CALCOCO1: variants seen among roughly 807,000 people sequenced by gnomAD.
The protein encoded by CALCOCO1 is calcium-binding and coiled-coil domain-containing protein 1.
CALCOCO1 carries 44 observed loss-of-function variants against 86.3 expected under a neutral mutation model. That is an observed-to-expected ratio of 0.51 (90% CI 0.40 to 0.66). The LOEUF (loss-of-function observed/expected upper bound fraction) is 0.66. Ranked by LOEUF, CALCOCO1 falls within the 30% of genes least tolerant of loss-of-function variation. The probability of loss-of-function intolerance (pLI) is 0.00; values close to 1 mark genes in which losing one functional copy is unlikely to be tolerated. For missense variants in CALCOCO1, 708 were observed against 851.1 expected (o/e 0.83, Z 2.09); for synonymous variants, 297 against 327.6 (o/e 0.91, Z 1.01).
intron 14 of CALCOCO1, chr12:53,712,354 C>T (rs1945586104): frequency 6.4e-6 from 3 of 469,412 alleles, no homozygotes; most frequent in Non-Finnish European, 1.1e-5. Context: ...GTGCAGAGCC[C>T]ATCCCCCAGC....
In CALCOCO1 at chr12:53,724,510, A is replaced by G. The variant is rs745370782; in HGVS notation, c.259+135T>C. 27 of 701,044 alleles carry G rather than the reference A, an allele frequency of 3.9e-5. No homozygotes were observed. The African/African-American group carries it at 4.2e-4, about 11-fold the overall frequency. The allele number at this position is 701,044 out of a possible 1,614,324, so 43.4% of individuals were successfully genotyped here. On this transcript the variant is annotated intron_variant, in intron 3 of 14. Coordinates refer to ENST00000550804, the MANE Select transcript of CALCOCO1 (RefSeq NM_020898.3). The stretch of plus-strand genomic sequence containing the variant: ...CTATCCGCTGAGCGCTGTTGGATAT[A>G]TTCTCATTATATTTATTTTCGTTTA...
intron 5 of CALCOCO1, 136 bp downstream of exon 5, chr12:53,721,889 C>A: frequency 1.0e-6 from 1 of 1,003,458 alleles, no homozygotes; most frequent in Non-Finnish European, 1.5e-6. Flanking sequence ...AGCCACTACC[C>A]CTTAAACCTA....
In CALCOCO1 at chr12:53,723,891, G is replaced by A. The variant is rs575253767; in HGVS notation, c.260-108C>T. The A allele has an allele frequency of 1.4e-4, 129 of 900,074 alleles. 1 individual carries two copies. The South Asian group carries it at 2.2e-3, about 16-fold the overall frequency. The allele number at this position is 900,074 out of a possible 1,614,324, so 55.8% of individuals were successfully genotyped here. The stretch of plus-strand genomic sequence containing the variant: ...TTCTTCTCTTCTCCACCTCCCACAG[G>A]CCATACTCTTCTCCCTCCTTTCTGC... On this transcript the variant is annotated intron_variant, in intron 3 of 14. Transcript: ENST00000550804.
chr12:53,723,741 C>G lies in CALCOCO1; in HGVS notation c.302G>C (p.Arg101Pro). ...PKPGAQLYQF[R>P]YVNRQGQVCG... The stretch of plus-strand genomic sequence containing the variant: ...CACCTGGCCCTGGCGGTTCACATAT[C>G]GGAACTGGTAGAGCTGAGCTCCTGG... The change falls in exon 4 of 15, where the codon CGA becomes CCA. Residue 101 changes from arginine (R) to proline (P), a missense_variant. Arg to Pro is a moderately radical substitution (Grantham distance 103). Coordinates refer to ENST00000550804, the MANE Select transcript of CALCOCO1 (RefSeq NM_020898.3). The G allele has an allele frequency of 6.2e-7, 1 of 1,614,148 alleles. No individual in the cohort carries two copies. The highest frequency in any genetic ancestry group is 2.2e-5 in the East Asian group (1 of 44,886).
chr12:53,715,903 G>A lies in CALCOCO1; in HGVS notation c.1150C>T (p.Arg384Cys), dbSNP rs752477440. Residue 384 changes from arginine to cysteine, a missense_variant, in exon 9 of 15, where the codon CGC becomes TGC. Transcript: ENST00000550804. ...CCGTTAACTTCAGCCACTTCCAGGC[G>A]GCTGCGGTGTAGTTCGGCTATGGTG... Reference protein sequence around the residue: ...DRTIAELHRSRLEVAEVNGRL... With the variant: ...DRTIAELHRSCLEVAEVNGRL... 1.2e-5 allele frequency: 20 copies of A among 1,614,094 alleles called. No homozygotes were observed. The highest frequency in any genetic ancestry group is 1.7e-5 in the Non-Finnish European group (20 of 1,180,048).
In CALCOCO1 at chr12:53,711,405, A is replaced by G. The variant is rs1172380513; in HGVS notation, c.*539T>C. 6 of 380,940 alleles carry G rather than the reference A, an allele frequency of 1.6e-5. No individual in the cohort carries two copies. Among genetic ancestry groups the G allele is most frequent in the Non-Finnish European group, 2.8e-5 (6 of 215,640 alleles). 23.6% of individuals were successfully genotyped at this position (380,940 alleles called of 1,614,324 possible). On this transcript the variant is annotated 3_prime_UTR_variant, in exon 15 of 15. Coordinates refer to ENST00000550804, the MANE Select transcript of CALCOCO1 (RefSeq NM_020898.3). ...AGGCTAGGGTGGGGCACAGAAGTCA[A>G]TGGGGGAACAGAAAGAGGAACCAAT... is the stretch of plus-strand genomic sequence containing the variant.
rs781550124 is a variant in CALCOCO1, at chr12:53,723,702, G to A, written c.341C>T (p.Pro114Leu). ...NRQGQVCGQSPPFQFREPRPM... is the reference protein window; with the variant it reads ...NRQGQVCGQSLPFQFREPRPM... ...CCTTGGCTCTCGGAACTGGAAAGGG[G>A]GGCTCTGCCCACACACCTGGCCCTG... is the stretch of plus-strand genomic sequence containing the variant. The change falls in exon 4 of 15, where the codon CCC becomes CTC. Residue 114 changes from proline (P) to leucine (L), a missense_variant. Coordinates refer to ENST00000550804, the MANE Select transcript of CALCOCO1 (RefSeq NM_020898.3). The A allele has an allele frequency of 6.2e-7, 1 of 1,614,210 alleles. No individual in the cohort carries two copies. The highest frequency in any genetic ancestry group is 8.5e-7 in the Non-Finnish European group (1 of 1,180,032).
At chr12:53,722,957 A>AAAAAAG (rs1565649449) in intron 4 of CALCOCO1, 6 of 389,692 alleles carry the variant, frequency 1.5e-5, no homozygotes, top group Admixed American at 7.2e-5. Flanking sequence ...AAAAAAAAAA[A>AAAAAAG]AAAAGAAAAG....
At chr12:53,724,783 T>C in intron 2 of CALCOCO1, 36 bp from the exon 3 acceptor site, 1 of 1,524,072 alleles carries the variant, frequency 6.6e-7, no homozygotes, top group South Asian at 1.2e-5. Flanking sequence ...GGTATGGTCA[T>C]GGAACTACCT....
intron 9 of CALCOCO1, 178 bp downstream of exon 9, chr12:53,715,615 T>G: frequency 2.4e-6 from 2 of 841,346 alleles, no homozygotes; most frequent in Non-Finnish European, 3.6e-6. Flanking sequence ...ATACCCCGGT[T>G]AGGGATGGGT....
chr12:53,712,821 C>T, intron 14 of CALCOCO1: 1 of 1,416,768 alleles, frequency 7.1e-7, no homozygotes, highest in Non-Finnish European at 9.4e-7. Flanking sequence ...GGAAGCAGGG[C>T]AATTTGGGCT....
In CALCOCO1 at chr12:53,714,604, C is replaced by T; in HGVS notation, c.1476G>A (p.Glu492=). The change falls in exon 11 of 15, where the codon GAG becomes GAA. Residue 492 remains glutamate (E), a synonymous_variant. Coordinates refer to ENST00000550804, the MANE Select transcript of CALCOCO1 (RefSeq NM_020898.3). The part of the protein sequence containing the change: ...LQKEKEQLQE[E]KQELLEYMRK... ...CTGGGTTATGGGTGCTCACCTGTTTCTCCTCCTGTAACTGCTCCTTTTCCT... is the reference window on the plus strand; with the variant it reads ...CTGGGTTATGGGTGCTCACCTGTTTTTCCTCCTGTAACTGCTCCTTTTCCT... The T allele has an allele frequency of 6.2e-7, 1 of 1,613,780 alleles. No individual in the cohort carries two copies. The highest frequency in any genetic ancestry group is 1.3e-5 in the African/African-American group (1 of 75,038).
At chr12:53,715,137 G>C (rs974992848) in intron 10 of CALCOCO1, 63 bp downstream of exon 10, 1 of 1,575,500 alleles carries the variant, frequency 6.3e-7, no homozygotes, top group Non-Finnish European at 8.6e-7. Flanking sequence ...CCAAGACAGA[G>C]AGAAGGGGTA....
Position 53,721,613 on chromosome 12 carries a change from C to T in CALCOCO1, c.612G>A (p.Gly204=), listed in dbSNP as rs763323271. The T allele has an allele frequency of 6.2e-7, 1 of 1,613,848 alleles. No individual in the cohort carries two copies. Among genetic ancestry groups the T allele is most frequent in the Non-Finnish European group, 8.5e-7 (1 of 1,179,926 alleles). The change falls in exon 6 of 15, where the codon GGG becomes GGA. Residue 204 remains glycine (G), a splice_region_variant and synonymous_variant. Coordinates refer to ENST00000550804, the MANE Select transcript of CALCOCO1 (RefSeq NM_020898.3). ...EHTELMEQYK[G]ISRSHGEITE... is the part of the protein sequence containing the mutation. ...TGATCTCCCCATGGGACCGGGAAATCCCCTGAAATTAAGTTTCCCCCAGAA... is the reference window on the plus strand; with the variant it reads ...TGATCTCCCCATGGGACCGGGAAATTCCCTGAAATTAAGTTTCCCCCAGAA...
intron 10 of CALCOCO1, 123 bp from the exon 11 acceptor site, chr12:53,714,816 GACAC>G: frequency 1.5e-6 from 1 of 654,910 alleles, no homozygotes; most frequent in Non-Finnish European, 2.7e-6. Flanking sequence ...TCCCTGCTCT[GACAC>G]ACACACACAG....
chr12:53,715,182 G>T lies in CALCOCO1; in HGVS notation c.1386+18C>A. ...CAGGAGGCCATAGGACAGGACCCTTGGTGGCTGGATGCCTCACCAGGCTAG... is the reference window on the plus strand; with the variant it reads ...CAGGAGGCCATAGGACAGGACCCTTTGTGGCTGGATGCCTCACCAGGCTAG... On this transcript the variant is annotated intron_variant, in intron 10 of 14. Coordinates refer to ENST00000550804, the MANE Select transcript of CALCOCO1 (RefSeq NM_020898.3). 1 of 1,613,636 alleles carries T rather than the reference G, an allele frequency of 6.2e-7. No individual in the cohort carries two copies. The highest frequency in any genetic ancestry group is 8.5e-7 in the Non-Finnish European group (1 of 1,179,694).
At chr12:53,713,038 A>C in intron 14 of CALCOCO1, 62 bp downstream of exon 14, 1 of 1,471,048 alleles carries the variant, frequency 6.8e-7, no homozygotes, top group Non-Finnish European at 9.5e-7. Flanking sequence ...GACTGTCCAC[A>C]CAGATGCCCT....
intron 11 of CALCOCO1, 88 bp from the exon 12 acceptor site, chr12:53,714,329 C>A: frequency 2.0e-6 from 2 of 986,664 alleles, no homozygotes; most frequent in East Asian, 2.4e-5. Context: ...AAGAAGAACT[C>A]TTAGCTCCTC....
At chr12:53,715,065 G>T in intron 10 of CALCOCO1, 135 bp downstream of exon 10, 2 of 1,062,494 alleles carry the variant, frequency 1.9e-6, no homozygotes, top group Admixed American at 2.7e-5. Context: ...ATGAGGGCTT[G>T]CGTGTGCAAG....
Sources: gnomAD v4.1 joint callset for allele counts on GRCh38, gnomAD v4.1.1 for gene constraint, MANE v1.5 for transcripts, NCBI Gene and HGNC (gene_info 2026-07-23, HGNC 2026-07-21) for gene names.